The following TMEM132D variants were observed in gnomAD, a reference collection of about 807,000 sequenced individuals.
TMEM132D encodes the protein transmembrane protein 132D, also known as mature OL transmembrane protein.
In TMEM132D, 21 loss-of-function variants were observed where a neutral mutation model predicts 62.3. The observed-to-expected ratio is 0.34, with a 90% CI of 0.24 to 0.49. The LOEUF (loss-of-function observed/expected upper bound fraction) is 0.49, where lower values mean the gene tolerates loss of function less well. TMEM132D is among the 20% of genes least tolerant of loss of function. TMEM132D has a pLI of 0.99. For synonymous variants in TMEM132D, 621 were observed against 575.6 expected, an observed-to-expected ratio of 1.08 and a Z score of -1.13; for missense variants, 1,346 against 1,402.8, an observed-to-expected ratio of 0.96 and a Z score of 0.65.
intron 2 of TMEM132D, among the ~76,000 whole-genome samples, chr12:129,548,576 T>C (rs1876803803): frequency 6.6e-6 from 1 of 152,222 alleles, no homozygotes; most frequent in Non-Finnish European, 1.5e-5. Context: ...TGGCCTGTTC[T>C]TTTTCTCTTC....
At chr12:129,607,351 A>G (rs1392627292) in intron 2 of TMEM132D, among the ~76,000 whole-genome samples, 1 of 152,206 alleles carries the variant, frequency 6.6e-6, no homozygotes, top group Admixed American at 6.5e-5. Flanking sequence ...GCATGCACAG[A>G]GTACTGCTAA....
intron 1 of TMEM132D, among the ~76,000 whole-genome samples, chr12:129,719,096 A>AAAAG (rs375979528): frequency 0.48 from 68,124 of 143,200 alleles, 16,947 homozygotes; most frequent in Middle Eastern, 0.58. Context: ...AAAAAAAAAA[A>AAAAG]AAAGAAAAAA....
At chr12:129,250,696 A>C (rs951905373) in intron 4 of TMEM132D, among the ~76,000 whole-genome samples, 14 of 152,178 alleles carry the variant, frequency 9.2e-5, no homozygotes, top group Admixed American at 7.2e-4. Flanking sequence ...GCCCACACGC[A>C]TGGGATTGTT....
chr12:129,417,803 T>A (rs1033613701), intron 3 of TMEM132D, among the ~76,000 whole-genome samples: 1 of 152,066 alleles, frequency 6.6e-6, no homozygotes, highest in East Asian at 1.9e-4. Flanking sequence ...AATCTATCCA[T>A]CTGACAAAGG....
intron 5 of TMEM132D, among the ~76,000 whole-genome samples, chr12:129,087,911 G>A (rs200766634): frequency 5.3e-4 from 50 of 94,958 alleles, no homozygotes; most frequent in Non-Finnish European, 7.4e-4. Flanking sequence ...CCTGACCGGG[G>A]TGTCCTCCCT....
chr12:129,520,855 T>G (rs1245875284), intron 3 of TMEM132D, among the ~76,000 whole-genome samples: 1 of 152,212 alleles, frequency 6.6e-6, no homozygotes, highest in Non-Finnish European at 1.5e-5. Context: ...GTAGATCTGC[T>G]ATAATAAGGA....
chr12:129,562,984 A>G (rs538424398), intron 2 of TMEM132D, among the ~76,000 whole-genome samples: 2 of 152,340 alleles, frequency 1.3e-5, no homozygotes, highest in African/African-American at 4.8e-5. Flanking sequence ...TAATTGATAT[A>G]AGCAAGGCCT....
intron 3 of TMEM132D, among the ~76,000 whole-genome samples, chr12:129,361,838 A>G (rs1483601731): frequency 6.6e-6 from 1 of 152,244 alleles, no homozygotes; most frequent in Non-Finnish European, 1.5e-5. Context: ...TTAGGGTTCA[A>G]AAAAGAGGCA....
intron 1 of TMEM132D, among the ~76,000 whole-genome samples, chr12:129,722,119 C>G (rs73434164): frequency 6.6e-6 from 1 of 152,134 alleles, no homozygotes; most frequent in African/African-American, 2.4e-5. Flanking sequence ...TTAGGTCCCA[C>G]GCTGCTTTTC....
At chr12:129,745,613 C>G (rs1343378447) in intron 1 of TMEM132D, among the ~76,000 whole-genome samples, 17 of 152,202 alleles carry the variant, frequency 1.1e-4, no homozygotes, top group Admixed American at 1.0e-3. Flanking sequence ...ACCCATTTCA[C>G]AGGGCCATTA....
At chr12:129,755,247 T>C (rs1219927776) in intron 1 of TMEM132D, among the ~76,000 whole-genome samples, 2 of 152,242 alleles carry the variant, frequency 1.3e-5, no homozygotes, top group African/African-American at 2.4e-5. Flanking sequence ...AAATTGCTTA[T>C]AAGTATCTAC....
chr12:129,828,755 G>A (rs1234101050), intron 1 of TMEM132D, among the ~76,000 whole-genome samples: 2 of 47,904 alleles, frequency 4.2e-5, no homozygotes, highest in Non-Finnish European at 4.5e-5. Context: ...AGGGAGGGAG[G>A]AAAGGAGGGA....
chr12:129,712,417 A>T (rs1868406153), intron 1 of TMEM132D, among the ~76,000 whole-genome samples: 1 of 152,114 alleles, frequency 6.6e-6, no homozygotes, highest in South Asian at 2.1e-4. Context: ...AGCCACTGCA[A>T]CCGATCTTTA....
chr12:129,336,907 C>T (rs1047055327), intron 4 of TMEM132D, among the ~76,000 whole-genome samples: 24 of 152,166 alleles, frequency 1.6e-4, no homozygotes, highest in Non-Finnish European at 1.0e-4. Flanking sequence ...AGACAAACGG[C>T]GTTGCCATTC....
chr12:129,730,136 G>A (rs562150753), intron 1 of TMEM132D, among the ~76,000 whole-genome samples: 7 of 152,212 alleles, frequency 4.6e-5, no homozygotes, highest in Middle Eastern at 3.4e-3. Flanking sequence ...TTATACGGAC[G>A]TGAGTAACAA....
At position 129,679,576 on chromosome 12, in the gene TMEM132D, C is replaced by T. The variant is rs565242238; in HGVS notation, c.968+20234G>A. The stretch of plus-strand genomic sequence containing the variant: ...TTTCTAATTCTTTTAATCCCTTTGC[C>T]TTTTTGCTTAAATTAACCAAGATTA... On this transcript the variant is annotated intron_variant, in intron 2 of 8. Coordinates refer to ENST00000422113, the MANE Select transcript of TMEM132D (RefSeq NM_133448.3). Among the ~76,000 whole-genome samples, 19 of 151,864 alleles carry T rather than the reference C, an allele frequency of 1.3e-4. No homozygotes were observed. The East Asian group carries it at 3.7e-3, about 29-fold the overall frequency.
intron 1 of TMEM132D, among the ~76,000 whole-genome samples, chr12:129,868,893 G>A (rs1191708971): frequency 6.6e-6 from 1 of 152,062 alleles, no homozygotes; most frequent in African/African-American, 2.4e-5. Flanking sequence ...GCAAGAAGAC[G>A]GACATCCAGG....
intron 1 of TMEM132D, among the ~76,000 whole-genome samples, chr12:129,791,434 T>C (rs1415654792): frequency 1.3e-5 from 2 of 152,222 alleles, no homozygotes; most frequent in Admixed American, 6.5e-5. Context: ...CTTTTTAAGA[T>C]AAATATTGGT....
chr12:129,741,249 TTTTCCAGTGGGAAATAAC>T, intron 1 of TMEM132D, among the ~76,000 whole-genome samples: 1 of 152,204 alleles, frequency 6.6e-6, no homozygotes, highest in Middle Eastern at 3.2e-3. Context: ...TCAGCCTCAA[TTTTCCAGTGGGAAATAAC>T]TTTCCTTGAC....
Sources: gnomAD v4.1 joint callset for allele counts (sites outside exome capture counted in the v4.1 genomes callset) on GRCh38, gnomAD v4.1.1 for gene constraint, MANE v1.5 for transcripts, NCBI Gene and HGNC (gene_info 2026-07-23, HGNC 2026-07-21) for gene names.